UVRAG: variants seen among roughly 807,000 people sequenced by gnomAD.
The protein encoded by UVRAG is UV radiation resistance associated, also known as UV radiation resistance-associated gene protein.
In UVRAG, 19 loss-of-function variants were observed where a neutral mutation model predicts 78.0. The observed-to-expected ratio is 0.24, with a 90% CI of 0.17 to 0.36. The LOEUF is 0.36. Ranked by LOEUF, UVRAG falls within the 10% of genes least tolerant of loss-of-function variation. The probability of loss-of-function intolerance (pLI) is 1.00; values close to 1 mark genes in which losing one functional copy is unlikely to be tolerated. For synonymous variants in UVRAG, 323 were observed against 324.6 expected (o/e 1.00, Z 0.05); for missense variants, 740 against 853.8 (o/e 0.87, Z 1.66).
At chr11:75,947,419 A>G (rs1182267039) in intron 6 of UVRAG, among the ~76,000 whole-genome samples, 5 of 152,152 alleles carry the variant, frequency 3.3e-5, no homozygotes, top group Non-Finnish European at 7.4e-5. Flanking sequence ...GCCTACCCCA[A>G]AGATAGTGGG....
chr11:76,087,399 C>T (rs1333265059), intron 13 of UVRAG, among the ~76,000 whole-genome samples: 5 of 152,164 alleles, frequency 3.3e-5, no homozygotes, highest in African/African-American at 7.2e-5. Flanking sequence ...GGACTCTGCA[C>T]GCTTCATGTC....
At chr11:76,060,948 G>C (rs145251476) in intron 12 of UVRAG, among the ~76,000 whole-genome samples, 8 of 152,228 alleles carry the variant, frequency 5.3e-5, no homozygotes, top group African/African-American at 1.9e-4. Context: ...TGAGGAGTGC[G>C]GGCGCATGGC....
At chr11:75,982,307 CTTAA>C (rs1003083017) in intron 7 of UVRAG, among the ~76,000 whole-genome samples, 27 of 152,142 alleles carry the variant, frequency 1.8e-4, no homozygotes, top group Admixed American at 6.5e-5. Context: ...CTCCCCTTGC[CTTAA>C]TTAATACTGG....
chr11:76,049,310 A>G (rs1171827532), intron 12 of UVRAG, among the ~76,000 whole-genome samples: 1 of 152,214 alleles, frequency 6.6e-6, no homozygotes, highest in Non-Finnish European at 1.5e-5. Context: ...GCAATAATGT[A>G]TATAATATTG....
intron 11 of UVRAG, among the ~76,000 whole-genome samples, chr11:76,016,104 G>A (rs991479300): frequency 6.6e-6 from 1 of 152,136 alleles, no homozygotes; most frequent in African/African-American, 2.4e-5. Flanking sequence ...AAATGTAATT[G>A]TCTGTGGCTT....
At chr11:75,959,715 T>C (rs1948873878) in intron 6 of UVRAG, among the ~76,000 whole-genome samples, 1 of 152,264 alleles carries the variant, frequency 6.6e-6, no homozygotes, top group African/African-American at 2.4e-5. Flanking sequence ...GCTGACTGTT[T>C]CATGCAAGAG....
intron 8 of UVRAG, among the ~76,000 whole-genome samples, chr11:75,986,956 TA>T (rs1949511848): frequency 6.6e-6 from 1 of 152,220 alleles, no homozygotes; most frequent in African/African-American, 2.4e-5. Flanking sequence ...TACTCCTGAA[TA>T]ATACATTCAG....
intron 13 of UVRAG, among the ~76,000 whole-genome samples, chr11:76,087,317 C>T (rs1951605195): frequency 1.3e-5 from 2 of 152,130 alleles, no homozygotes; most frequent in African/African-American, 4.8e-5. Context: ...GACCGGTGAG[C>T]AGTATGGTAG....
intron 7 of UVRAG, among the ~76,000 whole-genome samples, chr11:75,966,616 C>T (rs1304287753): frequency 1.3e-5 from 2 of 152,240 alleles, no homozygotes; most frequent in Admixed American, 6.5e-5. Context: ...TTGGTTTTCT[C>T]CTCCCTAGAG....
chr11:76,123,002 G>A (rs1413309986), intron 14 of UVRAG, among the ~76,000 whole-genome samples: 2 of 152,098 alleles, frequency 1.3e-5, no homozygotes, highest in African/African-American at 2.4e-5. Flanking sequence ...TGTGCCAAGC[G>A]CCTTGCCAAG....
chr11:75,864,559 C>T (rs1313041179), intron 3 of UVRAG, among the ~76,000 whole-genome samples: 3 of 152,196 alleles, frequency 2.0e-5, no homozygotes, highest in Non-Finnish European at 2.9e-5. Flanking sequence ...TGGTTTCTTT[C>T]CTGTTTAGGA....
chr11:76,002,949 T>G (rs985340801), intron 8 of UVRAG, among the ~76,000 whole-genome samples: 1 of 152,040 alleles, frequency 6.6e-6, no homozygotes, highest in South Asian at 2.1e-4. Context: ...TTGTGACATG[T>G]GTCTGTTGTC....
At chr11:75,847,188 C>T (rs1229589490) in intron 1 of UVRAG, among the ~76,000 whole-genome samples, 2 of 151,224 alleles carry the variant, frequency 1.3e-5, no homozygotes, top group Non-Finnish European at 2.9e-5. Flanking sequence ...AGTGCAGTGG[C>T]GTGATCTCGG....
intron 1 of UVRAG, among the ~76,000 whole-genome samples, chr11:75,832,558 G>A (rs537771874): frequency 6.6e-6 from 1 of 152,188 alleles, no homozygotes; most frequent in Non-Finnish European, 1.5e-5. Flanking sequence ...CAGCCTCCTA[G>A]CACTTCAATG....
chr11:75,872,477 C>A (rs2134831720), intron 3 of UVRAG, among the ~76,000 whole-genome samples: 1 of 151,910 alleles, frequency 6.6e-6, no homozygotes, highest in Admixed American at 6.6e-5. Context: ...CAACCTCTGC[C>A]TCCCAGGTTC....
intron 14 of UVRAG, among the ~76,000 whole-genome samples, chr11:76,136,968 T>C (rs1591275274): frequency 1.3e-5 from 2 of 152,310 alleles, no homozygotes; most frequent in East Asian, 3.9e-4. Flanking sequence ...TAATTAAAAA[T>C]ACATGTGTGT....
chr11:75,928,000 G>A (rs912477599), intron 6 of UVRAG, among the ~76,000 whole-genome samples: 3 of 152,138 alleles, frequency 2.0e-5, no homozygotes, highest in African/African-American at 7.2e-5. Flanking sequence ...TACTTGGGAG[G>A]ATGAGGCTGG....
chr11:76,037,303 C>T (rs541139057), intron 12 of UVRAG, among the ~76,000 whole-genome samples: 1 of 151,954 alleles, frequency 6.6e-6, no homozygotes, highest in Non-Finnish European at 1.5e-5. Context: ...CATAACTCAC[C>T]CATTAACAGA....
chr11:75,989,302 A>C (rs762475838), intron 8 of UVRAG, among the ~76,000 whole-genome samples: 1 of 151,774 alleles, frequency 6.6e-6, no homozygotes. Flanking sequence ...TGATCCGCCT[A>C]CCTCCCAAAG....
Sources: allele counts gnomAD v4.1 joint callset (sites outside exome capture counted in the v4.1 genomes callset), GRCh38; gene constraint gnomAD v4.1.1; transcripts MANE v1.5; gene names NCBI Gene and HGNC (gene_info 2026-07-23, HGNC 2026-07-21).